The following ARHGAP18 variants were observed in gnomAD, a reference collection of about 807,000 sequenced individuals.
ARHGAP18 encodes rho GTPase-activating protein 18.
Under a neutral mutation model 86.2 loss-of-function variants are expected in ARHGAP18, and 67 were observed. The ratio of observed to expected loss-of-function variants is 0.78; its 90% CI spans 0.64 to 0.95. ARHGAP18 has a LOEUF of 0.95. ARHGAP18 is among the 40% of genes least tolerant of loss of function. The pLI is 0.00. For synonymous variants in ARHGAP18, 283 were observed against 280.4 expected (o/e 1.01, Z -0.09); for missense variants, 691 against 780.4 (o/e 0.89, Z 1.37).
chr6:129,625,739 A>T (rs1186427763), intron 5 of ARHGAP18, among the ~76,000 whole-genome samples: 3 of 33,832 alleles, frequency 8.9e-5, no homozygotes, highest in Admixed American at 5.3e-4. Context: ...TATTTATTAT[A>T]TATTTATATA....
At chr6:129,683,219 T>C (rs913929803) in intron 1 of ARHGAP18, among the ~76,000 whole-genome samples, 6 of 152,026 alleles carry the variant, frequency 3.9e-5, no homozygotes, top group South Asian at 4.1e-4. Flanking sequence ...CTACAGGCAC[T>C]CGCCACCACG....
intron 1 of ARHGAP18, among the ~76,000 whole-genome samples, chr6:129,672,765 A>G (rs1160809897): frequency 3.9e-5 from 6 of 152,262 alleles, no homozygotes; most frequent in Non-Finnish European, 5.9e-5. Context: ...ATGGCTAAGA[A>G]GAATGCCCTC....
chr6:129,658,606 C>A (rs1773888603), intron 1 of ARHGAP18, among the ~76,000 whole-genome samples: 1 of 152,132 alleles, frequency 6.6e-6, no homozygotes, highest in Non-Finnish European at 1.5e-5. Context: ...TTTCACTTTC[C>A]ATTTCTAATC....
At chr6:129,686,978 C>CTTT (rs71028176) in intron 1 of ARHGAP18, among the ~76,000 whole-genome samples, 47 of 106,920 alleles carry the variant, frequency 4.4e-4, no homozygotes, top group East Asian at 7.9e-4. Context: ...TTTTTTTTTT[C>CTTT]TTTTTTTTTT....
At chr6:129,593,224 C>T (rs2114439707) in intron 12 of ARHGAP18, among the ~76,000 whole-genome samples, 1 of 152,142 alleles carries the variant, frequency 6.6e-6, no homozygotes, top group Admixed American at 6.5e-5. Context: ...GTGTGAAAGG[C>T]TGAGGAGGGA....
At chr6:129,647,884 G>C (rs1773612724) in intron 1 of ARHGAP18, among the ~76,000 whole-genome samples, 1 of 152,130 alleles carries the variant, frequency 6.6e-6, no homozygotes, top group South Asian at 2.1e-4. Flanking sequence ...CCCAGCAAAG[G>C]GGTGATAGAA....
intron 4 of ARHGAP18, 47 bp downstream of exon 4, chr6:129,633,995 A>G: frequency 6.7e-7 from 1 of 1,497,842 alleles, no homozygotes; most frequent in Non-Finnish European, 9.1e-7. Flanking sequence ...TGTTATACTA[A>G]TTAAAGGGCG....
intron 4 of ARHGAP18, among the ~76,000 whole-genome samples, chr6:129,629,896 A>T (rs1174494889): frequency 6.6e-6 from 1 of 152,186 alleles, no homozygotes; most frequent in African/African-American, 2.4e-5. Context: ...AAAAAGAAGG[A>T]GGTGATGAGC....
chr6:129,708,147 C>T (rs1774832382), intron 1 of ARHGAP18, among the ~76,000 whole-genome samples: 2 of 152,174 alleles, frequency 1.3e-5, no homozygotes, highest in Admixed American at 6.5e-5. Context: ...AGGGTAAAAG[C>T]CATTGAAAAC....
At chr6:129,629,896 A>G (rs1174494889) in intron 4 of ARHGAP18, among the ~76,000 whole-genome samples, 1 of 152,186 alleles carries the variant, frequency 6.6e-6, no homozygotes, top group African/African-American at 2.4e-5. Flanking sequence ...AAAAAGAAGG[A>G]GGTGATGAGC....
chr6:129,667,503 G>GTGTGTGTGTGTA (rs548429421), intron 1 of ARHGAP18, among the ~76,000 whole-genome samples: 12,892 of 145,194 alleles, frequency 0.089, 711 homozygotes, highest in Middle Eastern at 0.15. Flanking sequence ...GTGTGTGTGT[G>GTGTGTGTGTGTA]TGTTGTGTAT....
At chr6:129,604,480 A>T (rs1218789244) in intron 10 of ARHGAP18, among the ~76,000 whole-genome samples, 1 of 152,106 alleles carries the variant, frequency 6.6e-6, no homozygotes, top group Non-Finnish European at 1.5e-5. Context: ...CTGGGCATTG[A>T]TAGGGTCGTC....
chr6:129,579,703 G>A (rs1457778235), intron 14 of ARHGAP18, among the ~76,000 whole-genome samples: 3 of 152,088 alleles, frequency 2.0e-5, no homozygotes, highest in East Asian at 3.9e-4. Flanking sequence ...ATCTAATACT[G>A]TACTATAATA....
intron 1 of ARHGAP18, among the ~76,000 whole-genome samples, chr6:129,649,817 C>T (rs9398913): frequency 0.46 from 69,815 of 151,644 alleles, 16,827 homozygotes; most frequent in African/African-American, 0.62. Flanking sequence ...TTTATCACTT[C>T]TAGAGAAATA....
At chr6:129,693,409 G>A (rs1217796154) in intron 1 of ARHGAP18, among the ~76,000 whole-genome samples, 1 of 152,192 alleles carries the variant, frequency 6.6e-6, no homozygotes, top group Non-Finnish European at 1.5e-5. Flanking sequence ...GACTTTTAAT[G>A]CATCTATGGA....
intron 1 of ARHGAP18, among the ~76,000 whole-genome samples, chr6:129,655,420 T>C (rs1204927537): frequency 6.6e-6 from 1 of 151,166 alleles, no homozygotes; most frequent in Non-Finnish European, 1.5e-5. Flanking sequence ...ATTAAGAGCA[T>C]GTAATATCCT....
chr6:129,585,018 TC>T (rs1195466366), intron 12 of ARHGAP18, among the ~76,000 whole-genome samples: 1 of 106,138 alleles, frequency 9.4e-6, no homozygotes, highest in Admixed American at 1.1e-4. Context: ...CAATATCATG[TC>T]CTTTTTTTTT....
chr6:129,674,932 C>T (rs7770859), intron 1 of ARHGAP18, among the ~76,000 whole-genome samples: 2,111 of 152,216 alleles, frequency 0.014, 47 homozygotes, highest in African/African-American at 0.047. Context: ...TATAAGGTGT[C>T]GCCTCCATTC....
chr6:129,676,235 A>G (rs996691219), intron 1 of ARHGAP18, among the ~76,000 whole-genome samples: 3 of 152,154 alleles, frequency 2.0e-5, no homozygotes, highest in Non-Finnish European at 4.4e-5. Context: ...TCTGTAGCAA[A>G]AGTAGTCAAT....
Sources: allele counts gnomAD v4.1 joint callset (sites outside exome capture counted in the v4.1 genomes callset), GRCh38; gene constraint gnomAD v4.1.1; transcripts MANE v1.5; gene names NCBI Gene and HGNC (gene_info 2026-07-23, HGNC 2026-07-21).